Variants in KIF1A observed in about 807,000 individuals in gnomAD.
KIF1A encodes kinesin family member 1A.
Under a neutral mutation model 227.3 loss-of-function variants are expected in KIF1A, and 46 were observed. The observed-to-expected ratio is 0.20, with a 90% confidence interval of 0.16 to 0.26. The LOEUF is 0.26. KIF1A is among the 10% of genes least tolerant of loss of function. The probability of loss-of-function intolerance (pLI) is 1.00; values close to 1 mark genes in which losing one functional copy is unlikely to be tolerated. For synonymous variants in KIF1A, 1,022 were observed against 1,012.8 expected (o/e 1.01, Z -0.17); for missense variants, 1,683 against 2,485.9 (o/e 0.68, Z 6.87).
At chr2:240,743,373 CTCTCTGCAGTT>C (rs2048222898) in intron 33 of KIF1A, among the ~76,000 whole-genome samples, 1 of 152,226 alleles carries the variant, frequency 6.6e-6, no homozygotes, top group Non-Finnish European at 1.5e-5. Flanking sequence ...CACCCGAGGC[CTCTCTGCAGTT>C]CTCTCTGCAC....
Position 240,790,723 on chromosome 2 carries a change from G to C in KIF1A, c.107-1411C>G, listed in dbSNP as rs1315161375. ...ATAAAAGAGGAGATTTGGAGACAGGGAGGGTGCCATGAGAACATGAGGGCA... is the reference window on the plus strand; with the variant it reads ...ATAAAAGAGGAGATTTGGAGACAGGCAGGGTGCCATGAGAACATGAGGGCA... On this transcript the variant is annotated intron_variant, in intron 2 of 48. Coordinates refer to ENST00000498729, the MANE Select transcript of KIF1A (RefSeq NM_001244008.2). The surrounding 1 kb of genome is among the most constrained non-coding windows in gnomAD (Gnocchi z 5.0). Among the ~76,000 whole-genome samples the C allele has an allele frequency of 6.6e-6, 1 of 152,094 alleles. No individual in the cohort carries two copies. The highest frequency in any genetic ancestry group is 2.4e-5 in the African/African-American group (1 of 41,410).
At chr2:240,762,684 C>G in intron 23 of KIF1A, 35 bp downstream of exon 23, 1 of 1,540,240 alleles carries the variant, frequency 6.5e-7, no homozygotes, top group Non-Finnish European at 8.8e-7. Context: ...TGAGACCCTC[C>G]TGACGCAGCA....
Position 240,736,940 on chromosome 2 carries a change from G to A in KIF1A, c.4007+123C>T. On this transcript the variant is annotated intron_variant, in intron 38 of 48. Transcript: ENST00000498729. This position sits in a 1 kb window ranked among gnomAD's most constrained non-coding sequence, Gnocchi z 4.7. ...CGCACAGCTCCTGCAGGTGCCAGGA[G>A]GGAGGGCCGGGAGAGCGTTGAGCGG... 1 of 782,146 alleles carries A rather than the reference G, an allele frequency of 1.3e-6. No homozygotes were observed. The highest frequency in any genetic ancestry group is 1.6e-5 in the South Asian group (1 of 62,776). The allele number at this position is 782,146 out of a possible 1,614,324, so 48.5% of individuals were successfully genotyped here.
intron 1 of KIF1A, among the ~76,000 whole-genome samples, chr2:240,818,293 G>T (rs573519568): frequency 6.6e-6 from 1 of 152,098 alleles, no homozygotes; most frequent in African/African-American, 2.4e-5. Flanking sequence ...GCACCCTCCC[G>T]AGACTTCACC....
chr2:240,786,157 C>A (rs906622344), intron 6 of KIF1A, among the ~76,000 whole-genome samples, 178 bp downstream of exon 6: 1 of 152,202 alleles, frequency 6.6e-6, no homozygotes. Context: ...ACAGGGGGAG[C>A]CCTCGGCCTC....
At chr2:240,728,149 A>G (rs1212991598) in intron 38 of KIF1A, among the ~76,000 whole-genome samples, 4 of 152,166 alleles carry the variant, frequency 2.6e-5, no homozygotes, top group Admixed American at 1.3e-4. Context: ...TGCCCTGTCT[A>G]CTGCACACAT....
rs368741124 is a variant in KIF1A, at chr2:240,743,759, G to A, written c.3584+183C>T. ...TCCCGAAGGAGAGAAGCTGCAGGCA[G>A]GCCCAGAGCTCTTAATTGCTCTCTG... is the stretch of plus-strand genomic sequence containing the variant. On this transcript the variant is annotated intron_variant, in intron 33 of 48. Coordinates refer to ENST00000498729, the MANE Select transcript of KIF1A (RefSeq NM_001244008.2). 2.6e-5 allele frequency among the ~76,000 whole-genome samples: 4 copies of A among 152,212 alleles called. No individual in the cohort carries two copies. In the East Asian group the frequency reaches 7.7e-4, roughly 29 times the overall value.
rs553465326 is a variant in KIF1A at position 240,719,090 on chromosome 2, G to C, written c.5130C>G (p.Ser1710Arg). 3 of 1,612,574 alleles carry C rather than the reference G, an allele frequency of 1.9e-6. No individual in the cohort carries two copies. Among genetic ancestry groups the C allele is most frequent in the Non-Finnish European group, 2.5e-6 (3 of 1,179,772 alleles). Residue 1710 changes from serine (S) to arginine (R), a missense_variant, in exon 47 of 49, where the codon AGC becomes AGG. Coordinates refer to ENST00000498729, the MANE Select transcript of KIF1A (RefSeq NM_001244008.2). The part of the protein sequence containing the change: ...VRRPYAYMYN[S>R]DKDTVERFVL... ...CGAACCGCTCCACGGTGTCCTTGTC[G>C]CTGTTGTACATGTAGGCATAGGGGC...
chr2:240,776,918 C>T (rs970681276), intron 10 of KIF1A, among the ~76,000 whole-genome samples: 5 of 152,254 alleles, frequency 3.3e-5, no homozygotes, highest in Admixed American at 3.3e-4. Flanking sequence ...ACTGCACTGG[C>T]TTCTCTGCGA....
chr2:240,818,444 T>C (rs967832018), intron 1 of KIF1A, among the ~76,000 whole-genome samples: 6 of 152,088 alleles, frequency 3.9e-5, no homozygotes, highest in Non-Finnish European at 7.4e-5. Context: ...GGAACCCCTC[T>C]AAATAGACGG....
Position 240,740,242 on chromosome 2 carries a change from A to G in KIF1A, c.3816+56T>C. The G allele has an allele frequency of 6.6e-7, 1 of 1,523,364 alleles. No individual in the cohort carries two copies. The allele number at this position is 1,523,364 out of a possible 1,614,324, so 94.4% of individuals were successfully genotyped here. ...AGGGTAGGGGCAGGGAGAGGCTCAC[A>G]CCTGGTGGGGTGGGGGAGGGGACAC... On this transcript the variant is annotated intron_variant, in intron 36 of 48. Coordinates refer to ENST00000498729, the MANE Select transcript of KIF1A (RefSeq NM_001244008.2). The surrounding 1 kb of genome is among the most constrained non-coding windows in gnomAD (Gnocchi z 6.1).
At chr2:240,774,391 A>AACCCC (rs2052459757) in intron 11 of KIF1A, 130 bp from the exon 12 acceptor site, 1 of 253,672 alleles carries the variant, frequency 3.9e-6, no homozygotes, top group Non-Finnish European at 6.9e-6. Flanking sequence ...TCACAGGCTT[A>AACCCC]CCCCCCCCCC....
chr2:240,721,549 G>A (rs2045386050), intron 44 of KIF1A, among the ~76,000 whole-genome samples: 1 of 152,140 alleles, frequency 6.6e-6, no homozygotes, highest in Admixed American at 6.5e-5. Flanking sequence ...GAAGACAGCA[G>A]AAGCCTGCAA....
At chr2:240,745,573 A>G (rs1264759326) in intron 31 of KIF1A, 56 bp from the exon 32 acceptor site, 4 of 1,509,010 alleles carry the variant, frequency 2.7e-6, no homozygotes, top group Non-Finnish European at 3.6e-6. Context: ...ATGAGACCTT[A>G]CCAGGTGGAA....
chr2:240,745,630 G>A (rs2048503258), intron 31 of KIF1A, 108 bp downstream of exon 31: 2 of 1,496,186 alleles, frequency 1.3e-6, no homozygotes, highest in South Asian at 1.2e-5. Context: ...TGCGGGCTGG[G>A]CCAACACAGC....
chr2:240,812,981 C>CGCCTTCACCTCAAGGATCT (rs2058046817), intron 1 of KIF1A, among the ~76,000 whole-genome samples: 1 of 19,360 alleles, frequency 5.2e-5, no homozygotes, highest in Non-Finnish European at 1.2e-4. Flanking sequence ...CTCGGGGATC[C>CGCCTTCACCTCAAGGATCT]GCCTTCACCT....
intron 10 of KIF1A, among the ~76,000 whole-genome samples, chr2:240,779,701 C>A (rs1000175256): frequency 2.7e-5 from 4 of 149,518 alleles, no homozygotes; most frequent in African/African-American, 1.0e-4. Context: ...CTTCCTCACT[C>A]AGTTCCTCAC....
Position 240,735,017 on chromosome 2 carries a change from G to A in KIF1A, c.4007+2046C>T, listed in dbSNP as rs553528237. Among the ~76,000 whole-genome samples, 20 of 152,300 alleles carry A rather than the reference G, an allele frequency of 1.3e-4. No individual in the cohort carries two copies. In the South Asian group the frequency reaches 3.7e-3, roughly 28 times the overall value. ...GAGCAGCCCGGCCCATCATGGGGCT[G>A]AGGACGCCAGCACCGTCCATGGCAC... On this transcript the variant is annotated intron_variant, in intron 38 of 48. Coordinates refer to ENST00000498729, the MANE Select transcript of KIF1A (RefSeq NM_001244008.2).
At chr2:240,782,684 G>T in intron 9 of KIF1A, 77 bp from the exon 10 acceptor site, 3 of 1,444,882 alleles carry the variant, frequency 2.1e-6, no homozygotes, top group Non-Finnish European at 2.9e-6. Flanking sequence ...AGAGCAGGCG[G>T]CCCGGCTGCC....
Sources: gnomAD v4.1 joint callset for allele counts (sites outside exome capture counted in the v4.1 genomes callset) on GRCh38, gnomAD v4.1.1 for gene constraint, Gnocchi (gnomAD v3.1) non-coding constraint, MANE v1.5 for transcripts, NCBI Gene and HGNC (gene_info 2026-07-23, HGNC 2026-07-21) for gene names.